NCKAP5: variants seen among roughly 807,000 people sequenced by gnomAD.
The protein encoded by NCKAP5 is NCK associated protein 5, also known as nck-associated protein 5.
Under a neutral mutation model 167.0 loss-of-function variants are expected in NCKAP5, and 92 were observed. That is an observed-to-expected ratio of 0.55 (90% CI 0.47 to 0.66). The LOEUF is 0.66. Ranked by LOEUF, NCKAP5 falls within the 30% of genes least tolerant of loss-of-function variation. The pLI, the probability that NCKAP5 is intolerant of heterozygous loss-of-function variation, is 0.00. For synonymous variants in NCKAP5, 891 were observed against 877.4 expected, an observed-to-expected ratio of 1.02 and a Z score of -0.27; for missense variants, 2,378 against 2,315.0, an observed-to-expected ratio of 1.03 and a Z score of -0.56.
At chr2:132,887,353 ATCCATCCATCTT>A (rs1452666853) in intron 8 of NCKAP5, among the ~76,000 whole-genome samples, 2 of 128,468 alleles carry the variant, frequency 1.6e-5, no homozygotes, top group African/African-American at 7.4e-5. Flanking sequence ...CTATCTATCC[ATCCATCCATCTT>A]TCCATCCATC....
chr2:133,088,553 C>G (rs1005055003), intron 6 of NCKAP5, among the ~76,000 whole-genome samples: 1 of 152,072 alleles, frequency 6.6e-6, no homozygotes, highest in African/African-American at 2.4e-5. Context: ...ATGCTGCCTT[C>G]ACATTTTAAA....
At chr2:133,446,044 A>T (rs1259470159) in intron 3 of NCKAP5, among the ~76,000 whole-genome samples, 2 of 152,186 alleles carry the variant, frequency 1.3e-5, no homozygotes, top group Non-Finnish European at 2.9e-5. Context: ...CCATGTCTTA[A>T]TGCAAGACAG....
intron 10 of NCKAP5, among the ~76,000 whole-genome samples, chr2:132,864,100 G>A (rs1192792023): frequency 1.3e-5 from 2 of 152,178 alleles, no homozygotes; most frequent in African/African-American, 4.8e-5. Flanking sequence ...CCCAAGGAAG[G>A]CTTTAGAAAC....
intron 3 of NCKAP5, among the ~76,000 whole-genome samples, chr2:133,328,493 T>G (rs775356854): frequency 1.1e-4 from 16 of 152,204 alleles, no homozygotes; most frequent in Non-Finnish European, 2.1e-4. Flanking sequence ...AGGCTGGAAG[T>G]AACTAACAAT....
intron 16 of NCKAP5, among the ~76,000 whole-genome samples, chr2:132,773,178 C>T (rs1008121817): frequency 6.6e-6 from 1 of 152,184 alleles, no homozygotes; most frequent in Admixed American, 6.5e-5. Flanking sequence ...AAAGGTGCCA[C>T]TTCTTCTATC....
At position 132,833,874 on chromosome 2, in the gene NCKAP5, T is replaced by C. The variant is rs774138101; in HGVS notation, c.807+26618A>G. Among the ~76,000 whole-genome samples, 50 of 152,334 alleles carry C rather than the reference T, an allele frequency of 3.3e-4. No individual in the cohort carries two copies. In the Middle Eastern group the frequency reaches 0.017, roughly 52 times the overall value. The stretch of plus-strand genomic sequence containing the variant: ...TTTCATTCCATATGAATGTTAGGAA[T>C]GTTTCTCTAATTCTGCGAAACAGTG... On this transcript the variant is annotated intron_variant, in intron 11 of 19. Coordinates refer to ENST00000409261, the MANE Select transcript of NCKAP5 (RefSeq NM_207363.3).
At position 133,214,332 on chromosome 2, in the gene NCKAP5, A is replaced by C. The variant is rs148869996; in HGVS notation, c.144-553T>G. ...CATTATGCCCATTTTATAGATGAAG[A>C]AACTGAGGCCCAAAAAGGCTAATAC... On this transcript the variant is annotated intron_variant, in intron 4 of 19. Coordinates refer to ENST00000409261, the MANE Select transcript of NCKAP5 (RefSeq NM_207363.3). Among the ~76,000 whole-genome samples, 3 of 152,312 alleles carry C rather than the reference A, an allele frequency of 2.0e-5. No individual in the cohort carries two copies. In the East Asian group the frequency reaches 5.8e-4, roughly 29 times the overall value.
intron 5 of NCKAP5, among the ~76,000 whole-genome samples, chr2:133,186,565 T>C (rs955684715): frequency 1.3e-5 from 2 of 152,098 alleles, no homozygotes; most frequent in African/African-American, 2.4e-5. Flanking sequence ...AATTCGGCTA[T>C]GACTCAATCT....
At chr2:132,772,582 A>G (rs1195657485) in intron 16 of NCKAP5, among the ~76,000 whole-genome samples, 1 of 152,222 alleles carries the variant, frequency 6.6e-6, no homozygotes, top group African/African-American at 2.4e-5. Flanking sequence ...AAGGCTGTTA[A>G]ACAATATTTA....
At chr2:133,553,752 A>G (rs749549007) in intron 2 of NCKAP5, among the ~76,000 whole-genome samples, 1 of 152,234 alleles carries the variant, frequency 6.6e-6, no homozygotes, top group Non-Finnish European at 1.5e-5. Context: ...AATCCCAAAA[A>G]TAATTAAAGA....
At chr2:133,068,830 G>T (rs1362040505) in intron 6 of NCKAP5, among the ~76,000 whole-genome samples, 1 of 152,258 alleles carries the variant, frequency 6.6e-6, no homozygotes, top group East Asian at 1.9e-4. Flanking sequence ...TATATAGCCA[G>T]GAAAGATTCA....
At chr2:132,681,958 T>G (rs2105043161) in intron 19 of NCKAP5, among the ~76,000 whole-genome samples, 1 of 152,296 alleles carries the variant, frequency 6.6e-6, no homozygotes, top group East Asian at 1.9e-4. Context: ...CAAGAATGTT[T>G]GCTCCACTGA....
At chr2:133,422,929 T>C (rs1266430254) in intron 3 of NCKAP5, among the ~76,000 whole-genome samples, 2 of 152,112 alleles carry the variant, frequency 1.3e-5, no homozygotes, top group African/African-American at 4.8e-5. Context: ...CCCCCATTTA[T>C]GTGTGAACAT....
intron 7 of NCKAP5, among the ~76,000 whole-genome samples, chr2:132,987,815 G>T (rs2077331137): frequency 6.6e-6 from 1 of 152,188 alleles, no homozygotes; most frequent in African/African-American, 2.4e-5. Context: ...CTAATTAAAA[G>T]GGTGCAAAGG....
chr2:133,048,529 T>C (rs2079490333), intron 6 of NCKAP5, among the ~76,000 whole-genome samples: 1 of 152,220 alleles, frequency 6.6e-6, no homozygotes, highest in African/African-American at 2.4e-5. Context: ...GATACTTGTT[T>C]GTATCATGTG....
At chr2:132,740,122 CAAAAATAGA>C in intron 16 of NCKAP5, among the ~76,000 whole-genome samples, 1 of 152,220 alleles carries the variant, frequency 6.6e-6, no homozygotes, top group East Asian at 1.9e-4. Flanking sequence ...ATAAATCCCA[CAAAAATAGA>C]AAACTTTGAA....
chr2:133,207,850 C>T (rs1174182094), intron 5 of NCKAP5, among the ~76,000 whole-genome samples: 1 of 152,140 alleles, frequency 6.6e-6, no homozygotes, highest in Non-Finnish European at 1.5e-5. Context: ...CAGGAGAATT[C>T]AAAATAATTT....
chr2:133,273,792 A>C (rs1029849447), intron 4 of NCKAP5, among the ~76,000 whole-genome samples: 1 of 140,658 alleles, frequency 7.1e-6, no homozygotes, highest in African/African-American at 2.6e-5. Context: ...AAATCTATTA[A>C]TTTCCAAAAA....
intron 8 of NCKAP5, among the ~76,000 whole-genome samples, chr2:132,919,557 T>C (rs1695147646): frequency 6.6e-6 from 1 of 152,076 alleles, no homozygotes; most frequent in African/African-American, 2.4e-5. Flanking sequence ...ATACACAACA[T>C]TTGATGCAAG....
Sources: allele counts gnomAD v4.1 joint callset (sites outside exome capture counted in the v4.1 genomes callset), GRCh38; gene constraint gnomAD v4.1.1; transcripts MANE v1.5; gene names NCBI Gene and HGNC (gene_info 2026-07-23, HGNC 2026-07-21).